Variants in DCAF6 observed in about 807,000 individuals in gnomAD.
The protein encoded by DCAF6 is DDB1 and CUL4 associated factor 6, also known as DDB1- and CUL4-associated factor 6.
DCAF6 carries 54 observed loss-of-function variants against 125.1 expected under a neutral mutation model. That is an observed-to-expected ratio of 0.43 (90% confidence interval 0.35 to 0.54). The LOEUF (loss-of-function observed/expected upper bound fraction) is 0.54, where lower values mean the gene tolerates loss of function less well. Among genes scored for constraint, DCAF6 ranks in the 20% least tolerant of loss-of-function variants. The pLI is 0.01. For missense variants in DCAF6, 934 were observed against 1,161.7 expected (o/e 0.80, Z 2.85); for synonymous variants, 371 against 390.4 (o/e 0.95, Z 0.58).
upstream of DCAF6, chr1:167,935,786 T>C (rs150529062): frequency 2.0e-3 from 3,083 of 1,562,870 alleles, 5 homozygotes; most frequent in Non-Finnish European, 2.4e-3. Flanking sequence ...CAGCTCCACT[T>C]TATCGAGGAG....
the DCAF6 span, among the ~76,000 whole-genome samples, chr1:167,921,275 AGCAATGGT>A: frequency 6.6e-6 from 1 of 151,298 alleles, no homozygotes. Context: ...CAGGTTAGAG[AGCAATGGT>A]GCGATCTAGG....
chr1:168,004,925 G>T, intron 10 of DCAF6, 132 bp downstream of exon 10: 1 of 1,036,242 alleles, frequency 9.7e-7, no homozygotes, highest in Non-Finnish European at 1.3e-6. Context: ...TGTAATATAT[G>T]GTTATGTAAC....
At chr1:168,030,657 ACAGG>A (rs1686968191) in intron 12 of DCAF6, among the ~76,000 whole-genome samples, 2 of 152,232 alleles carry the variant, frequency 1.3e-5, no homozygotes, top group Non-Finnish European at 2.9e-5. Flanking sequence ...ATTGAATGAC[ACAGG>A]GATTGAGGAG....
At chr1:167,872,694 T>C in the DCAF6 span, among the ~76,000 whole-genome samples, 2 of 150,994 alleles carry the variant, frequency 1.3e-5, no homozygotes, top group Non-Finnish European at 2.9e-5. Flanking sequence ...TGTTTGGTTA[T>C]AGCTTGAAGG....
rs577512387 is a variant in DCAF6, at chr1:167,996,011, A to G, written c.903+2571A>G. ...ATTATGTATAAGGACTATGTTCTGTATAAGTAGAACAAAGTAGGGAATAAT... is the reference window on the plus strand; with the variant it reads ...ATTATGTATAAGGACTATGTTCTGTGTAAGTAGAACAAAGTAGGGAATAAT... On this transcript the variant is annotated intron_variant, in intron 7 of 21. Transcript: ENST00000367840. Among the ~76,000 whole-genome samples the G allele has an allele frequency of 1.4e-4, 22 of 152,364 alleles. No homozygotes were observed. In the South Asian group the frequency reaches 4.6e-3, roughly 32 times the overall value.
At chr1:167,908,025 TA>T in the DCAF6 span, among the ~76,000 whole-genome samples, 2 of 152,144 alleles carry the variant, frequency 1.3e-5, no homozygotes, top group South Asian at 4.1e-4. Context: ...AAATTAAAAA[TA>T]GAACTACCAT....
chr1:167,975,353 C>T (rs536480881), intron 4 of DCAF6, among the ~76,000 whole-genome samples: 15 of 152,254 alleles, frequency 9.9e-5, no homozygotes, highest in African/African-American at 3.4e-4. Flanking sequence ...CCCTTTTAAA[C>T]AATCGCTTGC....
At chr1:167,930,251 G>A in the DCAF6 span, among the ~76,000 whole-genome samples, 1 of 152,168 alleles carries the variant, frequency 6.6e-6, no homozygotes, top group Non-Finnish European at 1.5e-5. Context: ...TGAAATTCCA[G>A]AGTAAAGAAC....
chr1:167,873,955 C>T, the DCAF6 span, among the ~76,000 whole-genome samples: 3 of 152,272 alleles, frequency 2.0e-5, no homozygotes, highest in African/African-American at 7.2e-5. Flanking sequence ...AAGGACCCAT[C>T]TCTAGAATGT....
Position 167,975,021 on chromosome 1 carries a change from G to C in DCAF6, c.438+6G>C. 1.3e-6 allele frequency: 2 copies of C among 1,549,228 alleles called. No homozygotes were observed. The highest frequency in any genetic ancestry group is 1.7e-6 in the Non-Finnish European group (2 of 1,146,140). On this transcript the variant is annotated splice_donor_region_variant and intron_variant, in intron 4 of 21. Transcript: ENST00000367840. ...ATTATGGAACTACTTATGAGGTATG[G>C]TATTATTATGATTATATGATATATA... is the stretch of plus-strand genomic sequence containing the variant.
chr1:168,002,698 T>TA, intron 8 of DCAF6, 123 bp downstream of exon 8: 1 of 614,680 alleles, frequency 1.6e-6, no homozygotes, highest in South Asian at 2.9e-5. Flanking sequence ...TAGGTATACT[T>TA]ATGCAAATAT....
At chr1:167,948,069 T>C (rs1452247290) in intron 1 of DCAF6, among the ~76,000 whole-genome samples, 1 of 152,164 alleles carries the variant, frequency 6.6e-6, no homozygotes, top group East Asian at 1.9e-4. Flanking sequence ...CAAATATGTA[T>C]TTAGAATTGT....
chr1:167,966,437 G>A (rs867354149), intron 2 of DCAF6, among the ~76,000 whole-genome samples, 192 bp from the exon 3 acceptor site: 3 of 152,244 alleles, frequency 2.0e-5, no homozygotes, highest in Middle Eastern at 3.4e-3. Flanking sequence ...TGTATTTTAT[G>A]TGTGGCCGGA....
At chr1:168,025,429 G>A (rs1028451897) in intron 12 of DCAF6, among the ~76,000 whole-genome samples, 1 of 152,166 alleles carries the variant, frequency 6.6e-6, no homozygotes, top group Non-Finnish European at 1.5e-5. Context: ...GAGTTGCTAT[G>A]TAAGAGGTTA....
chr1:168,057,821 T>G (rs1015921660), intron 17 of DCAF6, among the ~76,000 whole-genome samples: 1 of 152,178 alleles, frequency 6.6e-6, no homozygotes, highest in East Asian at 1.9e-4. Flanking sequence ...TGACACATTA[T>G]CATTGTTAGT....
At chr1:167,908,310 C>T in the DCAF6 span, among the ~76,000 whole-genome samples, 1 of 152,032 alleles carries the variant, frequency 6.6e-6, no homozygotes, top group Non-Finnish European at 1.5e-5. Flanking sequence ...CACAGAAAGA[C>T]AAAAATATTG....
chr1:167,977,124 G>A (rs1223979164), intron 4 of DCAF6, among the ~76,000 whole-genome samples: 11 of 149,730 alleles, frequency 7.3e-5, no homozygotes, highest in African/African-American at 2.0e-4. Flanking sequence ...GGCTGGTCTC[G>A]AACTCCCGAC....
chr1:167,867,790 A>AT, the DCAF6 span, among the ~76,000 whole-genome samples: 1 of 152,100 alleles, frequency 6.6e-6, no homozygotes, highest in Non-Finnish European at 1.5e-5. Flanking sequence ...AAAAAAAAAA[A>AT]GTTACACAGC....
At chr1:167,871,130 A>G in the DCAF6 span, among the ~76,000 whole-genome samples, 1 of 152,084 alleles carries the variant, frequency 6.6e-6, no homozygotes, top group Non-Finnish European at 1.5e-5. Context: ...GTAGACTATT[A>G]CATTAGGAAA....
Sources: gnomAD v4.1 joint callset for allele counts (sites outside exome capture counted in the v4.1 genomes callset) on GRCh38, gnomAD v4.1.1 for gene constraint, MANE v1.5 for transcripts, NCBI Gene and HGNC (gene_info 2026-07-23, HGNC 2026-07-21) for gene names.